MYOCD: variants seen among roughly 807,000 people sequenced by gnomAD.
MYOCD encodes myocardin.
A neutral mutation model predicts 96.1 loss-of-function variants in MYOCD; 32 were observed. The observed-to-expected ratio is 0.33, with a 90% CI of 0.25 to 0.45. The LOEUF is 0.45. Among genes scored for constraint, MYOCD ranks in the 20% least tolerant of loss-of-function variants. The probability of loss-of-function intolerance (pLI) is 1.00; values close to 1 mark genes in which losing one functional copy is unlikely to be tolerated. For missense variants in MYOCD, 1,133 were observed against 1,200.6 expected (o/e 0.94, Z 0.83); for synonymous variants, 469 against 469.0 (o/e 1.00, Z 0.00).
chr17:12,690,944 C>G (rs2030415818), intron 1 of MYOCD, among the ~76,000 whole-genome samples: 1 of 152,132 alleles, frequency 6.6e-6, no homozygotes, highest in African/African-American at 2.4e-5. Flanking sequence ...ATGAGCAATC[C>G]CTTTTTAAAG....
rs775187138 is a variant in MYOCD at position 12,753,233 on chromosome 17, A to C, written c.1945A>C (p.Ile649Leu). The change falls in exon 10 of 14, where the codon ATC (isoleucine) becomes CTC (leucine). Residue 649 changes from isoleucine (I) to leucine (L), a missense_variant. Physicochemically the swap from Ile to Leu is conservative, Grantham distance 5 (BLOSUM62 2). Coordinates refer to ENST00000425538, the MANE Select transcript of MYOCD (RefSeq NM_001146312.3). ...PLGAVKSPQH[I>L]SLPPSPNNPH... ...GGGGGCTGTGAAAAGCCCACAGCAC[A>C]TCAGTTTGCCCCCATCACCCAACAA... is the stretch of plus-strand genomic sequence containing the variant. The C allele has an allele frequency of 6.2e-7, 1 of 1,614,132 alleles. No homozygotes were observed. The highest frequency in any genetic ancestry group is 8.5e-7 in the Non-Finnish European group (1 of 1,180,008).
At chr17:12,734,188 G>T (rs997650175) in intron 5 of MYOCD, among the ~76,000 whole-genome samples, 1 of 152,116 alleles carries the variant, frequency 6.6e-6, no homozygotes, top group African/African-American at 2.4e-5. Context: ...GAGAGAGGAG[G>T]AGTCTTTGTC....
intron 5 of MYOCD, 24 bp from the exon 6 acceptor site, chr17:12,736,135 CAA>C (rs1567591989): frequency 6.2e-7 from 1 of 1,611,180 alleles, no homozygotes; most frequent in Admixed American, 1.7e-5. Flanking sequence ...AGCCACTGAC[CAA>C]GTTCCTGGAT....
chr17:12,700,492 C>T (rs548563963), intron 1 of MYOCD, among the ~76,000 whole-genome samples: 9 of 136,070 alleles, frequency 6.6e-5, no homozygotes, highest in Non-Finnish European at 1.4e-4. Context: ...CAGCTTACTG[C>T]AAGCTCTGCC....
intron 9 of MYOCD, among the ~76,000 whole-genome samples, chr17:12,748,544 AT>A (rs1258092174): frequency 1.3e-5 from 2 of 152,220 alleles, no homozygotes. Flanking sequence ...TTAAAAAGTT[AT>A]TAGTGATGAA....
chr17:12,752,950 G>A lies in MYOCD; in HGVS notation c.1662G>A (p.Arg554=), dbSNP rs267604745. 3 of 1,614,120 alleles carry A rather than the reference G, an allele frequency of 1.9e-6. No homozygotes were observed. The highest frequency in any genetic ancestry group is 1.7e-4 in the Middle Eastern group (1 of 6,060). Reference sequence around the variant, plus strand: ...GGATGCAGCTTCAGAAGCAGAAAAGGAATAACTGTTCAGAGAAGAAGCCGC... The same window carrying A: ...GGATGCAGCTTCAGAAGCAGAAAAGAAATAACTGTTCAGAGAAGAAGCCGC... ...ELRMQLQKQK[R]NNCSEKKPLP... Residue 554 remains arginine, a synonymous_variant, in exon 10 of 14, where the codon AGG becomes AGA. Transcript: ENST00000425538.
chr17:12,745,183 TA>T (rs2032625336), intron 8 of MYOCD, among the ~76,000 whole-genome samples: 2 of 152,148 alleles, frequency 1.3e-5, no homozygotes, highest in Non-Finnish European at 1.5e-5. Context: ...GGTCACCTTT[TA>T]TTTTTTTTAA....
At chr17:12,731,067 C>T (rs1376532727) in intron 5 of MYOCD, among the ~76,000 whole-genome samples, 2 of 152,196 alleles carry the variant, frequency 1.3e-5, no homozygotes, top group African/African-American at 4.8e-5. Flanking sequence ...AGGATGATGT[C>T]AGGGCTTCCC....
At chr17:12,680,691 TG>T (rs1400021972) in intron 1 of MYOCD, among the ~76,000 whole-genome samples, 5 of 152,244 alleles carry the variant, frequency 3.3e-5, no homozygotes, top group African/African-American at 1.2e-4. Flanking sequence ...AGAGGAATCT[TG>T]GTGCCCAAAT....
chr17:12,675,558 A>G (rs968917630), intron 1 of MYOCD, among the ~76,000 whole-genome samples: 3 of 152,220 alleles, frequency 2.0e-5, no homozygotes, highest in African/African-American at 7.2e-5. Context: ...ATTTTCATTT[A>G]TGTTTTTTAA....
intron 5 of MYOCD, among the ~76,000 whole-genome samples, chr17:12,723,828 T>C (rs758928915): frequency 3.9e-5 from 6 of 152,234 alleles, no homozygotes; most frequent in Non-Finnish European, 5.9e-5. Flanking sequence ...TATATTTAAA[T>C]GTTTTGACAC....
At position 12,665,905 on chromosome 17, in the gene MYOCD, A is replaced by G. The variant is rs1240520857; in HGVS notation, c.-284A>G. 2.2e-6 allele frequency: 1 copy of G among 450,910 alleles called. No individual in the cohort carries two copies. The highest frequency in any genetic ancestry group is 3.9e-6 in the Non-Finnish European group (1 of 253,576). The allele number at this position is 450,910 out of a possible 1,614,324, so 27.9% of individuals were successfully genotyped here. On this transcript the variant is annotated 5_prime_UTR_variant, in exon 1 of 14. An upstream start codon of the reference 5' UTR is lost. Coordinates refer to ENST00000425538, the MANE Select transcript of MYOCD (RefSeq NM_001146312.3). This position sits in a 1 kb window ranked among gnomAD's most constrained non-coding sequence, Gnocchi z 4.2. ...GATTCTCCGCAATCGCCGGCAGCCT[A>G]TGACATCAGACAGGAACGCCTGGGA... is the stretch of plus-strand genomic sequence containing the variant.
intron 1 of MYOCD, among the ~76,000 whole-genome samples, chr17:12,675,941 A>G (rs1567566921): frequency 6.6e-6 from 1 of 152,240 alleles, no homozygotes; most frequent in South Asian, 2.1e-4. Flanking sequence ...AGAACTGTTC[A>G]TTATGGTATC....
chr17:12,708,847 G>A (rs770939992), intron 2 of MYOCD, among the ~76,000 whole-genome samples: 2 of 152,070 alleles, frequency 1.3e-5, no homozygotes, highest in African/African-American at 4.8e-5. Flanking sequence ...CCTGATCCCC[G>A]CCTAGGCTCC....
intron 5 of MYOCD, among the ~76,000 whole-genome samples, chr17:12,734,457 C>T (rs2150701706): frequency 6.6e-6 from 1 of 151,950 alleles, no homozygotes; most frequent in South Asian, 2.1e-4. Flanking sequence ...CCCATCCACC[C>T]ACCCACCTAC....
chr17:12,692,525 G>A (rs925863831), intron 1 of MYOCD, among the ~76,000 whole-genome samples: 1 of 152,112 alleles, frequency 6.6e-6, no homozygotes, highest in African/African-American at 2.4e-5. Flanking sequence ...GGATTATGAC[G>A]CTTGGCAGAC....
intron 9 of MYOCD, among the ~76,000 whole-genome samples, chr17:12,750,041 G>T (rs2032800169): frequency 6.6e-6 from 1 of 151,914 alleles, no homozygotes; most frequent in South Asian, 2.1e-4. Flanking sequence ...AGTAGAGACG[G>T]GGTTTCACCG....
chr17:12,711,901 C>T (rs1307446529), intron 2 of MYOCD, among the ~76,000 whole-genome samples: 2 of 151,256 alleles, frequency 1.3e-5, no homozygotes, highest in African/African-American at 4.9e-5. Flanking sequence ...GGGTTGGGGC[C>T]CAGGAATTGG....
intron 6 of MYOCD, among the ~76,000 whole-genome samples, chr17:12,738,447 G>A (rs1019573942): frequency 2.3e-4 from 35 of 151,742 alleles, no homozygotes; most frequent in Admixed American, 2.2e-3. Context: ...ACATGCATGC[G>A]CACGCACACA....
Sources: allele counts gnomAD v4.1 joint callset (sites outside exome capture counted in the v4.1 genomes callset), GRCh38; gene constraint gnomAD v4.1.1; non-coding constraint Gnocchi (gnomAD v3.1); transcripts MANE v1.5; gene names NCBI Gene and HGNC (gene_info 2026-07-23, HGNC 2026-07-21).